Variants in SGK1 observed in about 807,000 individuals in gnomAD.
SGK1 encodes serum/glucocorticoid regulated kinase 1, also known as serine/threonine-protein kinase Sgk1.
SGK1 carries 26 observed loss-of-function variants against 64.2 expected under a neutral mutation model. The ratio of observed to expected loss-of-function variants is 0.40; its 90% CI spans 0.30 to 0.56. The LOEUF (loss-of-function observed/expected upper bound fraction) is 0.56. Ranked by LOEUF, SGK1 falls within the 20% of genes least tolerant of loss-of-function variation. SGK1 has a pLI of 0.38. For synonymous variants in SGK1, 265 were observed against 239.7 expected (o/e 1.11, Z -0.98); for missense variants, 519 against 645.6 (o/e 0.80, Z 2.12).
At chr6:134,242,515 G>A (rs1011394812) in intron 2 of SGK1, among the ~76,000 whole-genome samples, 3 of 151,970 alleles carry the variant, frequency 2.0e-5, no homozygotes, top group African/African-American at 7.2e-5. Flanking sequence ...GAATAAGAGT[G>A]AGGGAAATGG....
chr6:134,281,616 C>T (rs1385803505), intron 1 of SGK1, among the ~76,000 whole-genome samples: 1 of 151,276 alleles, frequency 6.6e-6, no homozygotes. Flanking sequence ...TCCCATGGCT[C>T]AAATGACCCT....
intron 3 of SGK1, among the ~76,000 whole-genome samples, chr6:134,206,140 A>T (rs890569689): frequency 1.3e-5 from 2 of 151,884 alleles, no homozygotes; most frequent in Non-Finnish European, 2.9e-5. Context: ...GTGCAAGTAT[A>T]CATGCCCTCC....
At chr6:134,174,407 C>T in intron 4 of SGK1, 104 bp downstream of exon 4, 2 of 763,752 alleles carry the variant, frequency 2.6e-6, no homozygotes, top group Non-Finnish European at 4.4e-6. Flanking sequence ...AGATCCCCAC[C>T]CCAGAAGAAG....
At chr6:134,191,334 T>A (rs1012452946) in intron 3 of SGK1, among the ~76,000 whole-genome samples, 3 of 152,178 alleles carry the variant, frequency 2.0e-5, no homozygotes, top group Admixed American at 6.5e-5. Flanking sequence ...CATACAATAT[T>A]CCTGACAACC....
intron 1 of SGK1, among the ~76,000 whole-genome samples, chr6:134,316,784 T>C (rs1411822129): frequency 7.7e-6 from 1 of 129,588 alleles, no homozygotes; most frequent in African/African-American, 2.8e-5. Context: ...GCAGTTATTC[T>C]AAGCAAAAGC....
chr6:134,267,188 C>CT (rs1562269539), intron 1 of SGK1, among the ~76,000 whole-genome samples: 1 of 151,474 alleles, frequency 6.6e-6, no homozygotes, highest in Non-Finnish European at 1.5e-5. Flanking sequence ...TTTAAATATT[C>CT]TTTTTTCATG....
At chr6:134,282,940 T>C (rs1256297091) in intron 1 of SGK1, among the ~76,000 whole-genome samples, 2 of 151,812 alleles carry the variant, frequency 1.3e-5, no homozygotes, top group African/African-American at 2.4e-5. Flanking sequence ...AAGATAGAGA[T>C]AAAAACTCAG....
Position 134,169,792 on chromosome 6 carries a change from C to T in SGK1, c.*476G>A, listed in dbSNP as rs186276516. 1 of 152,846 alleles carries T rather than the reference C, an allele frequency of 6.5e-6. No homozygotes were observed. Among genetic ancestry groups the T allele is most frequent in the Non-Finnish European group, 1.5e-5 (1 of 68,142 alleles). 9.5% of individuals were successfully genotyped at this position (152,846 alleles called of 1,614,324 possible). On this transcript the variant is annotated 3_prime_UTR_variant, in exon 14 of 14. Transcript: ENST00000367858. The stretch of plus-strand genomic sequence containing the variant: ...CATTGATGCTTATAACAAAATCCAT[C>T]TGTGATCAGGCATACCACACTCACA...
intron 2 of SGK1, among the ~76,000 whole-genome samples, chr6:134,234,888 A>T (rs1187998447): frequency 6.6e-6 from 1 of 152,206 alleles, no homozygotes; most frequent in African/African-American, 2.4e-5. Context: ...TAAATAGATA[A>T]ATAAATAAGA....
At chr6:134,293,302 G>A (rs1256450063) in intron 1 of SGK1, among the ~76,000 whole-genome samples, 1 of 152,204 alleles carries the variant, frequency 6.6e-6, no homozygotes, top group Non-Finnish European at 1.5e-5. Flanking sequence ...AAGAGGCTTT[G>A]CTGGTCAATG....
intron 2 of SGK1, among the ~76,000 whole-genome samples, chr6:134,245,505 G>C (rs1327700286): frequency 6.6e-6 from 1 of 152,200 alleles, no homozygotes; most frequent in Non-Finnish European, 1.5e-5. Flanking sequence ...TTCTGTCCTA[G>C]AGAAGGGCAA....
At chr6:134,260,414 G>A (rs1044430476) in intron 2 of SGK1, 1 of 134,216 alleles carries the variant, frequency 7.5e-6, no homozygotes, top group African/African-American at 2.9e-5. Context: ...GCTCATGCCT[G>A]TAATCCCAGC....
At chr6:134,227,149 G>A (rs1165695520) in intron 2 of SGK1, among the ~76,000 whole-genome samples, 1 of 151,844 alleles carries the variant, frequency 6.6e-6, no homozygotes, top group Admixed American at 6.6e-5. Flanking sequence ...TTATTTTTTT[G>A]AGATGGAGTC....
At chr6:134,252,660 G>C (rs913729743) in intron 2 of SGK1, among the ~76,000 whole-genome samples, 3 of 138,628 alleles carry the variant, frequency 2.2e-5, no homozygotes, top group Non-Finnish European at 3.0e-5. Flanking sequence ...AGGATTGTAA[G>C]GTAATTTAAA....
At chr6:134,176,278 C>T (rs1305663959) in intron 3 of SGK1, among the ~76,000 whole-genome samples, 5 of 152,206 alleles carry the variant, frequency 3.3e-5, no homozygotes, top group African/African-American at 1.2e-4. Flanking sequence ...AAGGCTGCCC[C>T]AGGGCTTCTT....
At chr6:134,267,820 T>A (rs1157221363) in intron 1 of SGK1, among the ~76,000 whole-genome samples, 1 of 152,114 alleles carries the variant, frequency 6.6e-6, no homozygotes, top group Non-Finnish European at 1.5e-5. Flanking sequence ...GAAAAAGTGT[T>A]ACTTACAAAA....
intron 3 of SGK1, among the ~76,000 whole-genome samples, chr6:134,188,052 T>C (rs1020540328): frequency 1.3e-5 from 2 of 152,214 alleles, no homozygotes; most frequent in African/African-American, 4.8e-5. Context: ...CCTCCATCCT[T>C]GCCACCATGG....
chr6:134,299,807 T>G (rs1304998160), intron 1 of SGK1, among the ~76,000 whole-genome samples: 1 of 151,674 alleles, frequency 6.6e-6, no homozygotes, highest in Non-Finnish European at 1.5e-5. Flanking sequence ...CTGTGACTTT[T>G]TTTTTTTTTT....
intron 2 of SGK1, among the ~76,000 whole-genome samples, chr6:134,244,525 C>G (rs1776494730): frequency 6.6e-6 from 1 of 152,130 alleles, no homozygotes; most frequent in Non-Finnish European, 1.5e-5. Flanking sequence ...AGCACCGTCC[C>G]TCACGGCATA....
Sources: gnomAD v4.1 joint callset for allele counts (sites outside exome capture counted in the v4.1 genomes callset) on GRCh38, gnomAD v4.1.1 for gene constraint, MANE v1.5 for transcripts, NCBI Gene and HGNC (gene_info 2026-07-23, HGNC 2026-07-21) for gene names.